Variants in NFIL3 observed in about 807,000 individuals in gnomAD.
NFIL3 encodes the protein nuclear factor interleukin-3-regulated protein.
Under a neutral mutation model 10.0 loss-of-function variants are expected in NFIL3, and 5 were observed. The observed-to-expected ratio is 0.50, with a 90% confidence interval of 0.26 to 1.06. NFIL3 has a LOEUF of 1.06. Ranked by LOEUF, NFIL3 falls within the 50% of genes least tolerant of loss-of-function variation. The probability of loss-of-function intolerance (pLI) is 0.13; values close to 1 mark genes in which losing one functional copy is unlikely to be tolerated. For synonymous variants in NFIL3, 202 were observed against 206.5 expected (o/e 0.98, Z 0.19); for missense variants, 436 against 547.6 (o/e 0.80, Z 2.03).
chr9:91,462,795 A>G, the NFIL3 span, among the ~76,000 whole-genome samples: 1 of 117,394 alleles, frequency 8.5e-6, no homozygotes, highest in Non-Finnish European at 1.6e-5. Context: ...AGAATTTACC[A>G]TTGATTCCAT....
intron 1 of NFIL3, among the ~76,000 whole-genome samples, chr9:91,417,790 C>T (rs1344930216): frequency 6.6e-6 from 1 of 152,128 alleles, no homozygotes; most frequent in Non-Finnish European, 1.5e-5. Flanking sequence ...TTGATCAAGA[C>T]AGGCAAGACG....
the NFIL3 span, among the ~76,000 whole-genome samples, chr9:91,438,921 T>G: frequency 4.7e-3 from 709 of 152,326 alleles, 7 homozygotes; most frequent in African/African-American, 0.016. Flanking sequence ...TGAGTTTGAT[T>G]ATTATAGCTT....
chr9:91,447,269 T>C, the NFIL3 span, among the ~76,000 whole-genome samples: 1 of 152,240 alleles, frequency 6.6e-6, no homozygotes, highest in African/African-American at 2.4e-5. Context: ...TGAGCTATTA[T>C]GAACTATGCT....
At chr9:91,460,596 A>G in the NFIL3 span, among the ~76,000 whole-genome samples, 2 of 152,070 alleles carry the variant, frequency 1.3e-5, no homozygotes, top group African/African-American at 4.8e-5. Flanking sequence ...TTCTTAATAG[A>G]CAACTTGTGA....
intron 1 of NFIL3, among the ~76,000 whole-genome samples, chr9:91,418,546 T>A (rs1416232055): frequency 6.6e-6 from 1 of 152,376 alleles, no homozygotes; most frequent in East Asian, 1.9e-4. Flanking sequence ...TTTCCACTTT[T>A]CCAGTCAGTG....
chr9:91,476,334 A>G, the NFIL3 span, among the ~76,000 whole-genome samples: 4 of 152,190 alleles, frequency 2.6e-5, no homozygotes, highest in Admixed American at 6.5e-5. Context: ...GCACTTTGGG[A>G]GGCTGAGGCA....
chr9:91,475,098 C>A, the NFIL3 span, among the ~76,000 whole-genome samples: 1 of 152,178 alleles, frequency 6.6e-6, no homozygotes, highest in African/African-American at 2.4e-5. Flanking sequence ...ATTGGCATGA[C>A]AAACCCATAT....
chr9:91,427,841 T>G (rs765015391), upstream of NFIL3, among the ~76,000 whole-genome samples: 1 of 151,958 alleles, frequency 6.6e-6, no homozygotes, highest in Non-Finnish European at 1.5e-5. Flanking sequence ...AGTCAGTGTC[T>G]CTCTATGTTG....
the NFIL3 span, among the ~76,000 whole-genome samples, chr9:91,469,248 C>A: frequency 6.6e-6 from 1 of 152,078 alleles, no homozygotes; most frequent in South Asian, 2.1e-4. Flanking sequence ...TCCTTCATGT[C>A]CCTTGTAAGT....
chr9:91,418,855 GTT>G (rs10608008), intron 1 of NFIL3, among the ~76,000 whole-genome samples: 64,365 of 147,234 alleles, frequency 0.44, 15,496 homozygotes, highest in African/African-American at 0.67. Context: ...AGTTTTGGGT[GTT>G]TTTTTTTTTT....
At chr9:91,452,870 G>C in the NFIL3 span, among the ~76,000 whole-genome samples, 1 of 150,564 alleles carries the variant, frequency 6.6e-6, no homozygotes, top group East Asian at 2.0e-4. Context: ...CTGTGTCATA[G>C]ATATATTCTT....
At chr9:91,443,243 C>A in the NFIL3 span, among the ~76,000 whole-genome samples, 1 of 152,160 alleles carries the variant, frequency 6.6e-6, no homozygotes, top group African/African-American at 2.4e-5. Context: ...TGGGCAGCCA[C>A]GGGCAGGCCT....
the NFIL3 span, among the ~76,000 whole-genome samples, chr9:91,477,954 T>G: frequency 2.6e-5 from 4 of 152,190 alleles, no homozygotes; most frequent in Admixed American, 2.0e-4. Context: ...AATTCTTTTC[T>G]TTAAGAATGT....
At chr9:91,436,929 T>C in the NFIL3 span, among the ~76,000 whole-genome samples, 2 of 152,228 alleles carry the variant, frequency 1.3e-5, no homozygotes, top group East Asian at 3.8e-4. Flanking sequence ...AGACAATTTT[T>C]CCACGTGCAA....
the NFIL3 span, among the ~76,000 whole-genome samples, chr9:91,456,225 A>C: frequency 6.6e-6 from 1 of 152,182 alleles, no homozygotes; most frequent in Non-Finnish European, 1.5e-5. Flanking sequence ...CACTTTCAAC[A>C]TGTGTTTGCG....
chr9:91,447,706 G>T, the NFIL3 span, among the ~76,000 whole-genome samples: 1 of 152,088 alleles, frequency 6.6e-6, no homozygotes, highest in African/African-American at 2.4e-5. Flanking sequence ...TGAGTTCTAA[G>T]AATTCTTTTT....
At chr9:91,461,032 A>C in the NFIL3 span, among the ~76,000 whole-genome samples, 1 of 152,190 alleles carries the variant, frequency 6.6e-6, no homozygotes, top group Non-Finnish European at 1.5e-5. Context: ...GGAACATCTG[A>C]ATTCCATGCT....
chr9:91,453,736 G>C, the NFIL3 span, among the ~76,000 whole-genome samples: 1 of 151,940 alleles, frequency 6.6e-6, no homozygotes, highest in Non-Finnish European at 1.5e-5. Context: ...TGTATTGGTA[G>C]GTGTTATCTA....
chr9:91,482,964 G>A, the NFIL3 span, among the ~76,000 whole-genome samples: 6 of 152,138 alleles, frequency 3.9e-5, no homozygotes, highest in Admixed American at 6.5e-5. Flanking sequence ...TAAGACCATC[G>A]ACTGCCTATC....
Sources: gnomAD v4.1 joint callset for allele counts (sites outside exome capture counted in the v4.1 genomes callset) on GRCh38, gnomAD v4.1.1 for gene constraint, MANE v1.5 for transcripts, NCBI Gene and HGNC (gene_info 2026-07-23, HGNC 2026-07-21) for gene names.